Variants in B3GALT1 observed in about 807,000 individuals in gnomAD.
The protein encoded by B3GALT1 is beta-1,3-galactosyltransferase 1.
B3GALT1 carries 10 observed loss-of-function variants against 23.2 expected under a neutral mutation model. That is an observed-to-expected ratio of 0.43 (90% CI 0.27 to 0.73). The LOEUF is 0.73. Ranked by LOEUF, B3GALT1 falls within the 30% of genes least tolerant of loss-of-function variation. B3GALT1 has a pLI of 0.21. For missense variants in B3GALT1, 299 were observed against 405.4 expected (o/e 0.74, Z 2.25); for synonymous variants, 156 against 141.5 (o/e 1.10, Z -0.73).
At chr2:167,736,592 A>T (rs1382104457) in intron 3 of B3GALT1, among the ~76,000 whole-genome samples, 1 of 152,206 alleles carries the variant, frequency 6.6e-6, no homozygotes, top group Non-Finnish European at 1.5e-5. Flanking sequence ...TTCAGATGTT[A>T]GGACTCCCAG....
At chr2:167,626,693 T>C (rs750523427) in intron 2 of B3GALT1, among the ~76,000 whole-genome samples, 7 of 151,796 alleles carry the variant, frequency 4.6e-5, no homozygotes, top group African/African-American at 1.4e-4. Flanking sequence ...AAGTTAAACA[T>C]TGAAAAAATA....
chr2:167,422,654 C>T (rs1698565431), intron 1 of B3GALT1, among the ~76,000 whole-genome samples: 1 of 151,842 alleles, frequency 6.6e-6, no homozygotes, highest in African/African-American at 2.4e-5. Context: ...TTATGGATAC[C>T]TGATTCATGC....
chr2:167,569,971 T>C (rs1235508069), intron 2 of B3GALT1, among the ~76,000 whole-genome samples: 1 of 151,896 alleles, frequency 6.6e-6, no homozygotes, highest in Admixed American at 6.6e-5. Flanking sequence ...ATAGATCGTG[T>C]TAATAGGTTT....
At chr2:167,757,225 T>C (rs926510784) in intron 3 of B3GALT1, among the ~76,000 whole-genome samples, 2 of 152,138 alleles carry the variant, frequency 1.3e-5, no homozygotes, top group Non-Finnish European at 2.9e-5. Context: ...CCGTGCCCCA[T>C]TCAGTTCAGT....
chr2:167,504,675 A>G (rs1157392478), intron 2 of B3GALT1, among the ~76,000 whole-genome samples: 2 of 152,204 alleles, frequency 1.3e-5, no homozygotes, highest in Admixed American at 6.5e-5. Context: ...TGATAGCTGT[A>G]TATATGATGG....
intron 1 of B3GALT1, among the ~76,000 whole-genome samples, chr2:167,303,447 C>T (rs1242785474): frequency 6.6e-6 from 1 of 151,954 alleles, no homozygotes; most frequent in African/African-American, 2.4e-5. Flanking sequence ...GCTGGTAAAA[C>T]ATTATTTATG....
chr2:167,323,841 AT>A (rs934540192), intron 1 of B3GALT1, among the ~76,000 whole-genome samples: 2 of 151,334 alleles, frequency 1.3e-5, no homozygotes, highest in African/African-American at 2.4e-5. Flanking sequence ...AGAAATTCTT[AT>A]TTTTTTTTCT....
At chr2:167,492,713 T>G (rs971835017) in intron 2 of B3GALT1, among the ~76,000 whole-genome samples, 16 of 152,308 alleles carry the variant, frequency 1.1e-4, no homozygotes, top group African/African-American at 3.4e-4. Context: ...TGTTCTAACA[T>G]AATAAACTGT....
At chr2:167,454,538 A>T (rs1699141850) in intron 1 of B3GALT1, among the ~76,000 whole-genome samples, 1 of 152,200 alleles carries the variant, frequency 6.6e-6, no homozygotes, top group African/African-American at 2.4e-5. Flanking sequence ...AATACAATTG[A>T]TATAGCAGGA....
At chr2:167,613,198 A>T (rs534137123) in intron 2 of B3GALT1, among the ~76,000 whole-genome samples, 1 of 152,060 alleles carries the variant, frequency 6.6e-6, no homozygotes. Flanking sequence ...ATCCTACGTA[A>T]ATAATTGAAA....
intron 3 of B3GALT1, among the ~76,000 whole-genome samples, chr2:167,662,019 T>A (rs1686068200): frequency 6.6e-6 from 1 of 151,542 alleles, no homozygotes; most frequent in Non-Finnish European, 1.5e-5. Flanking sequence ...GAATACAAAA[T>A]CTACTTTCTT....
intron 3 of B3GALT1, among the ~76,000 whole-genome samples, chr2:167,791,356 G>T (rs888356949): frequency 3.3e-5 from 5 of 152,124 alleles, no homozygotes; most frequent in Non-Finnish European, 7.4e-5. Flanking sequence ...GTAGGTAATT[G>T]TATCATTGTC....
In B3GALT1 at chr2:167,705,806, C is replaced by G. The variant is rs146820481; in HGVS notation, c.-352+58840C>G. ...GTCACATTCTGCAATATGGTAGCCA[C>G]TAACCACATGTGGCTATTTACTTTT... On this transcript the variant is annotated intron_variant, in intron 3 of 4. Coordinates refer to ENST00000392690, the MANE Select transcript of B3GALT1 (RefSeq NM_020981.4). Among the ~76,000 whole-genome samples, 24 of 152,342 alleles carry G rather than the reference C, an allele frequency of 1.6e-4. No individual in the cohort carries two copies. The East Asian group carries it at 3.7e-3, about 23-fold the overall frequency.
In B3GALT1 at chr2:167,355,362, A is replaced by C. The variant is rs185018046; in HGVS notation, c.-511+62028A>C. 1.4e-4 allele frequency among the ~76,000 whole-genome samples: 21 copies of C among 152,340 alleles called. 1 individual carries two copies. In the East Asian group the frequency reaches 4.0e-3, roughly 29 times the overall value. On this transcript the variant is annotated intron_variant, in intron 1 of 4. Transcript: ENST00000392690. Reference sequence around the variant, plus strand: ...TGACAAAAATTGCATTACATGGGTGAGGAAGTGAGGATTGGTGGGCCCAGT... The same window carrying C: ...TGACAAAAATTGCATTACATGGGTGCGGAAGTGAGGATTGGTGGGCCCAGT...
At chr2:167,660,655 G>A (rs746551612) in intron 3 of B3GALT1, among the ~76,000 whole-genome samples, 1 of 152,034 alleles carries the variant, frequency 6.6e-6, no homozygotes, top group African/African-American at 2.4e-5. Flanking sequence ...CAATATGCAC[G>A]TGAGTCTCAC....
At chr2:167,295,129 G>A (rs932076412) in intron 1 of B3GALT1, among the ~76,000 whole-genome samples, 1 of 152,044 alleles carries the variant, frequency 6.6e-6, no homozygotes, top group Non-Finnish European at 1.5e-5. Context: ...GTTAGTTTTG[G>A]GTCCAAGGAT....
At chr2:167,401,846 A>C (rs956842284) in intron 1 of B3GALT1, among the ~76,000 whole-genome samples, 1 of 152,200 alleles carries the variant, frequency 6.6e-6, no homozygotes, top group Non-Finnish European at 1.5e-5. Context: ...CTTAGGACAC[A>C]GTATTGAGGA....
intron 3 of B3GALT1, among the ~76,000 whole-genome samples, chr2:167,655,831 A>G (rs186789073): frequency 9.5e-4 from 144 of 152,326 alleles, no homozygotes; most frequent in African/African-American, 3.3e-3. Flanking sequence ...TTGACAATGT[A>G]GGCCTGTGAG....
At chr2:167,721,623 G>A (rs1435684040) in intron 3 of B3GALT1, among the ~76,000 whole-genome samples, 1 of 152,152 alleles carries the variant, frequency 6.6e-6, no homozygotes, top group African/African-American at 2.4e-5. Context: ...AGAAAACTGG[G>A]GAAAGCTGTG....
Sources: allele counts gnomAD v4.1 joint callset (sites outside exome capture counted in the v4.1 genomes callset), GRCh38; gene constraint gnomAD v4.1.1; transcripts MANE v1.5; gene names NCBI Gene and HGNC (gene_info 2026-07-23, HGNC 2026-07-21).